The following CCDC3 variants were observed in gnomAD, a reference collection of about 807,000 sequenced individuals.
CCDC3 encodes the protein coiled-coil domain containing 3.
A neutral mutation model predicts 21.4 loss-of-function variants in CCDC3; 24 were observed. The observed-to-expected ratio is 1.12, with a 90% CI of 0.81 to 1.58. CCDC3 has a LOEUF of 1.58. Among genes scored for constraint, CCDC3 ranks in the 40% most tolerant of loss-of-function variants. The pLI, the probability that CCDC3 is intolerant of heterozygous loss-of-function variation, is 0.00. For missense variants in CCDC3, 425 were observed against 360.9 expected (o/e 1.18, Z -1.44); for synonymous variants, 186 against 166.0 (o/e 1.12, Z -0.93).
chr10:12,943,320 AC>A (rs1834863482), intron 2 of CCDC3, among the ~76,000 whole-genome samples: 1 of 152,150 alleles, frequency 6.6e-6, no homozygotes, highest in Admixed American at 6.5e-5. Flanking sequence ...GGCCAAGGGA[AC>A]CCCGAAGAAA....
At chr10:13,077,496 T>C (rs1419799927) in intron 3 of CCDC3, among the ~76,000 whole-genome samples, 1 of 152,178 alleles carries the variant, frequency 6.6e-6, no homozygotes, top group South Asian at 2.1e-4. Context: ...CTTCACAGAA[T>C]TGGAAAAAAC....
rs565493524 is a variant in CCDC3 at position 12,899,661 on chromosome 10, G to C, written c.550-982C>G. Among the ~76,000 whole-genome samples, 42 of 152,332 alleles carry C rather than the reference G, an allele frequency of 2.8e-4. 1 individual carries two copies. The South Asian group carries it at 8.7e-3, about 32-fold the overall frequency. On this transcript the variant is annotated intron_variant, in intron 2 of 2. Coordinates refer to ENST00000378825, the MANE Select transcript of CCDC3 (RefSeq NM_031455.4). ...TGAATGGTGGTGTAGCAATGTCTAAGTGGTGTTCATATTGAAAAGCTGTGC... is the reference window on the plus strand; with the variant it reads ...TGAATGGTGGTGTAGCAATGTCTAACTGGTGTTCATATTGAAAAGCTGTGC...
intron 2 of CCDC3, among the ~76,000 whole-genome samples, chr10:12,972,368 T>A (rs910849201): frequency 6.6e-6 from 1 of 152,192 alleles, no homozygotes; most frequent in Non-Finnish European, 1.5e-5. Flanking sequence ...GTTTCCAGCC[T>A]GGCACTCTGG....
intron 5 of CCDC3, among the ~76,000 whole-genome samples, chr10:13,038,880 G>A (rs1165722405): frequency 6.6e-6 from 1 of 152,134 alleles, no homozygotes; most frequent in East Asian, 1.9e-4. Context: ...GTCTCCTTGT[G>A]GCTACATCTT....
Position 12,998,394 on chromosome 10 carries a change from G to A in CCDC3, c.493C>T (p.Gln165Ter), listed in dbSNP as rs746857913. Residue 165 changes from glutamine to a stop codon, truncating the protein, a stop_gained, in exon 2 of 3, where the codon CAA (glutamine) becomes TAA (stop). Transcript: ENST00000378825. LOFTEE classifies it high-confidence loss of function. ...GAGAAAGTCGCCAGCTGCTGCCCTTGCGAACAGTTTGAAAACTGGAAAAGG... is the reference window on the plus strand; with the variant it reads ...GAGAAAGTCGCCAGCTGCTGCCCTTACGAACAGTTTGAAAACTGGAAAAGG... ...SSLFQFSNCS[Q>*]GQQLATFSSD... The A allele has an allele frequency of 6.2e-7, 1 of 1,614,118 alleles. No homozygotes were observed. Among genetic ancestry groups the A allele is most frequent in the Non-Finnish European group, 8.5e-7 (1 of 1,180,022 alleles).
chr10:12,908,313 C>T (rs1834209042), intron 2 of CCDC3, among the ~76,000 whole-genome samples: 1 of 152,200 alleles, frequency 6.6e-6, no homozygotes, highest in Non-Finnish European at 1.5e-5. Flanking sequence ...GCACATTGGT[C>T]CTGCATTAAA....
intron 2 of CCDC3, among the ~76,000 whole-genome samples, chr10:12,904,274 C>T (rs997837618): frequency 2.0e-5 from 3 of 151,770 alleles, no homozygotes; most frequent in African/African-American, 7.3e-5. Flanking sequence ...TGAGACCAGC[C>T]TGGGAAACAC....
chr10:13,048,401 C>A (rs899989710), intron 5 of CCDC3, among the ~76,000 whole-genome samples: 3 of 152,036 alleles, frequency 2.0e-5, no homozygotes, highest in African/African-American at 7.2e-5. Context: ...ACCATGTTGG[C>A]CAGGACAGTC....
At chr10:12,930,927 T>C (rs1203493348) in intron 2 of CCDC3, among the ~76,000 whole-genome samples, 1 of 152,124 alleles carries the variant, frequency 6.6e-6, no homozygotes, top group Non-Finnish European at 1.5e-5. Flanking sequence ...GCAAATTTAC[T>C]TGGCCGGGTG....
exon 5 of CCDC3, chr10:13,049,825 A>G (rs1210431132): frequency 6.6e-6 from 1 of 152,176 alleles, no homozygotes; most frequent in African/African-American, 2.4e-5. Context: ...TTAAGTTCTT[A>G]TTAAAAATTT....
At chr10:12,983,801 T>A (rs1231546978) in intron 2 of CCDC3, among the ~76,000 whole-genome samples, 1 of 151,882 alleles carries the variant, frequency 6.6e-6, no homozygotes, top group Admixed American at 6.6e-5. Context: ...ACACTGAGGC[T>A]GGGCGCAATG....
chr10:12,922,127 C>G (rs1834460370), intron 2 of CCDC3, among the ~76,000 whole-genome samples: 1 of 152,078 alleles, frequency 6.6e-6, no homozygotes, highest in Non-Finnish European at 1.5e-5. Flanking sequence ...TTATCTCTGA[C>G]TCCCATTCCT....
chr10:12,951,052 G>T lies in CCDC3; in HGVS notation c.549+47286C>A, dbSNP rs115770546. 1.4e-3 allele frequency among the ~76,000 whole-genome samples: 216 copies of T among 152,280 alleles called. 1 individual carries two copies. The highest frequency in any genetic ancestry group is 4.8e-3 in the African/African-American group (198 of 41,548). ...TAGAAAAGGCCAAGCAGGAGCTGAG[G>T]CAATCAATCAGAAAGTATTCAGTGA... On this transcript the variant is annotated intron_variant, in intron 2 of 2. Transcript: ENST00000378825.
chr10:12,975,497 T>A (rs1207336280), intron 2 of CCDC3, among the ~76,000 whole-genome samples: 1 of 152,128 alleles, frequency 6.6e-6, no homozygotes, highest in African/African-American at 2.4e-5. Flanking sequence ...CCTGGCTGTT[T>A]GTCAATGAGA....
At chr10:13,002,395 G>GT (rs557102659), upstream of CCDC3, among the ~76,000 whole-genome samples, 11 of 150,824 alleles carry the variant, frequency 7.3e-5, no homozygotes, top group South Asian at 1.9e-3. Context: ...TTTGTTTTTT[G>GT]TTTTTTTCTT....
intron 3 of CCDC3, among the ~76,000 whole-genome samples, chr10:13,083,636 T>C (rs1837069072): frequency 6.6e-6 from 1 of 152,278 alleles, no homozygotes; most frequent in Non-Finnish European, 1.5e-5. Context: ...GCTCACAGCC[T>C]ATGCCCCTTC....
chr10:12,917,418 G>A (rs546526844), intron 2 of CCDC3, among the ~76,000 whole-genome samples: 6 of 151,804 alleles, frequency 4.0e-5, no homozygotes, highest in East Asian at 3.9e-4. Flanking sequence ...GGATGGTCTC[G>A]ATCTCCTGAC....
At chr10:12,915,903 GC>G (rs1284238282) in intron 2 of CCDC3, among the ~76,000 whole-genome samples, 1 of 151,962 alleles carries the variant, frequency 6.6e-6, no homozygotes, top group Non-Finnish European at 1.5e-5. Context: ...GACCATGGGT[GC>G]TGACCTGGCA....
chr10:12,905,210 GATGGCCTATGGGCCAC>G (rs151122839), intron 2 of CCDC3, among the ~76,000 whole-genome samples: 3,093 of 152,306 alleles, frequency 0.02, 111 homozygotes, highest in African/African-American at 0.07. Context: ...ATCAGGAAAC[GATGGCCTATGGGCCAC>G]ATCTGGCCCC....
Sources: allele counts gnomAD v4.1 joint callset (sites outside exome capture counted in the v4.1 genomes callset), GRCh38; gene constraint gnomAD v4.1.1; transcripts MANE v1.5; gene names NCBI Gene and HGNC (gene_info 2026-07-23, HGNC 2026-07-21).